KIF16B: variants seen among roughly 807,000 people sequenced by gnomAD.
The protein encoded by KIF16B is kinesin-like protein KIF16B.
KIF16B carries 98 observed loss-of-function variants against 156.3 expected under a neutral mutation model. That is an observed-to-expected ratio of 0.63 (90% CI 0.53 to 0.74). KIF16B has a LOEUF of 0.74. Among genes scored for constraint, KIF16B ranks in the 30% least tolerant of loss-of-function variants. The pLI is 0.00. For synonymous variants in KIF16B, 564 were observed against 583.7 expected (o/e 0.97, Z 0.49); for missense variants, 1,421 against 1,606.5 (o/e 0.88, Z 1.97).
intron 5 of KIF16B, 82 bp downstream of exon 5, chr20:16,512,744 C>T (rs2068996428): frequency 3.5e-6 from 3 of 860,388 alleles, no homozygotes; most frequent in Non-Finnish European, 5.8e-6. Flanking sequence ...AAGACCTTAT[C>T]CATTTCCAGC....
chr20:16,342,486 G>A (rs1347815923), intron 23 of KIF16B, among the ~76,000 whole-genome samples: 3 of 152,166 alleles, frequency 2.0e-5, no homozygotes. Flanking sequence ...CAGAAAGCAT[G>A]GCCTACTGGA....
intron 1 of KIF16B, among the ~76,000 whole-genome samples, chr20:16,560,757 C>T (rs1016588806): frequency 6.6e-6 from 1 of 151,812 alleles, no homozygotes; most frequent in Non-Finnish European, 1.5e-5. Context: ...TGCACTCAAG[C>T]CTGGGTGACA....
chr20:16,354,495 C>G (rs1333240456), intron 23 of KIF16B, among the ~76,000 whole-genome samples: 1 of 152,012 alleles, frequency 6.6e-6, no homozygotes, highest in Non-Finnish European at 1.5e-5. Flanking sequence ...CACACACACA[C>G]ACACACACAC....
chr20:16,330,336 A>G (rs2063925853), intron 24 of KIF16B, among the ~76,000 whole-genome samples: 1 of 152,226 alleles, frequency 6.6e-6, no homozygotes, highest in African/African-American at 2.4e-5. Flanking sequence ...ATGTGAGTGA[A>G]CAGGGGGATT....
chr20:16,289,520 A>G (rs953357758), intron 25 of KIF16B, among the ~76,000 whole-genome samples: 1 of 152,120 alleles, frequency 6.6e-6, no homozygotes, highest in Admixed American at 6.5e-5. Flanking sequence ...CTTTAAAATC[A>G]CCTCATATTA....
At chr20:16,511,293 C>G (rs1351650031) in intron 6 of KIF16B, 125 bp downstream of exon 6, 4 of 498,964 alleles carry the variant, frequency 8.0e-6, no homozygotes, top group Non-Finnish European at 1.4e-5. Context: ...GACATTCTTA[C>G]TATAATAAAA....
At chr20:16,544,181 G>A (rs926576388) in intron 1 of KIF16B, among the ~76,000 whole-genome samples, 4 of 152,098 alleles carry the variant, frequency 2.6e-5, no homozygotes, top group East Asian at 3.9e-4. Context: ...AGGCTCCCCT[G>A]TCCCATTCCA....
At chr20:16,534,748 G>C (rs1330979942) in intron 1 of KIF16B, among the ~76,000 whole-genome samples, 3 of 151,902 alleles carry the variant, frequency 2.0e-5, no homozygotes, top group Non-Finnish European at 4.4e-5. Flanking sequence ...AGTTTTCCCA[G>C]CATCATGAAG....
chr20:16,351,670 C>A (rs1203649577), intron 23 of KIF16B, among the ~76,000 whole-genome samples: 1 of 152,178 alleles, frequency 6.6e-6, no homozygotes, highest in Non-Finnish European at 1.5e-5. Flanking sequence ...TCTATCTCTG[C>A]CACCAGTCAG....
At chr20:16,411,929 C>CGT (rs36019156) in intron 15 of KIF16B, among the ~76,000 whole-genome samples, 19,082 of 133,876 alleles carry the variant, frequency 0.14, 1,392 homozygotes, top group East Asian at 0.32. Context: ...GAATGTTCAA[C>CGT]GTGTGTGTGT....
At chr20:16,433,302 G>A (rs367800586) in intron 12 of KIF16B, among the ~76,000 whole-genome samples, 14 of 152,052 alleles carry the variant, frequency 9.2e-5, no homozygotes, top group African/African-American at 1.4e-4. Context: ...GACCATTCTC[G>A]TAAGTCCACA....
chr20:16,366,935 A>G, intron 22 of KIF16B: 3 of 1,248,592 alleles, frequency 2.4e-6, no homozygotes, highest in Non-Finnish European at 3.0e-6. Context: ...AGGTGATGAT[A>G]AAGATATTTT....
chr20:16,488,525 TG>T (rs963778727), intron 12 of KIF16B, among the ~76,000 whole-genome samples: 1 of 152,084 alleles, frequency 6.6e-6, no homozygotes, highest in African/African-American at 2.4e-5. Flanking sequence ...GAGAAAAAAC[TG>T]GGGATTCCTC....
chr20:16,393,538 T>G (rs1318868123), intron 17 of KIF16B, among the ~76,000 whole-genome samples: 2 of 152,068 alleles, frequency 1.3e-5, no homozygotes, highest in Non-Finnish European at 2.9e-5. Context: ...AAAAGGAGGG[T>G]ATGGAAGTTC....
At chr20:16,407,712 G>A (rs2065821816) in intron 15 of KIF16B, among the ~76,000 whole-genome samples, 1 of 152,162 alleles carries the variant, frequency 6.6e-6, no homozygotes, top group African/African-American at 2.4e-5. Context: ...AGATGAAATA[G>A]CCTGTGAAGA....
At chr20:16,459,636 G>T (rs1423380489) in intron 12 of KIF16B, among the ~76,000 whole-genome samples, 1 of 152,102 alleles carries the variant, frequency 6.6e-6, no homozygotes, top group Admixed American at 6.6e-5. Flanking sequence ...AAAGTGCTTG[G>T]ATTTGTTTAA....
chr20:16,528,507 C>A, intron 1 of KIF16B, 67 bp from the exon 2 acceptor site: 2 of 1,178,974 alleles, frequency 1.7e-6, no homozygotes, highest in Non-Finnish European at 2.5e-6. Context: ...CAAAACTAAA[C>A]CCATTTGTTT....
intron 12 of KIF16B, among the ~76,000 whole-genome samples, chr20:16,449,915 T>C (rs528878844): frequency 6.6e-6 from 1 of 152,158 alleles, no homozygotes; most frequent in South Asian, 2.1e-4. Flanking sequence ...TAGTTTTTAA[T>C]GAGGATAACT....
chr20:16,569,420 C>A (rs928484611), intron 1 of KIF16B, among the ~76,000 whole-genome samples: 1 of 152,188 alleles, frequency 6.6e-6, no homozygotes, highest in Non-Finnish European at 1.5e-5. Context: ...ATTTTGCCTA[C>A]GTAACAGAAT....
Sources: allele counts gnomAD v4.1 joint callset (sites outside exome capture counted in the v4.1 genomes callset), GRCh38; gene constraint gnomAD v4.1.1; transcripts MANE v1.5; gene names NCBI Gene and HGNC (gene_info 2026-07-23, HGNC 2026-07-21).